TP53BP1: variants seen among roughly 807,000 people sequenced by gnomAD.
TP53BP1 encodes the protein tumor protein p53 binding protein 1.
A neutral mutation model predicts 200.8 loss-of-function variants in TP53BP1; 61 were observed. The ratio of observed to expected loss-of-function variants is 0.30; its 90% CI spans 0.25 to 0.38. TP53BP1 has a LOEUF of 0.38. Ranked by LOEUF, TP53BP1 falls within the 10% of genes least tolerant of loss-of-function variation. The pLI is 1.00. For synonymous variants in TP53BP1, 822 were observed against 844.3 expected (o/e 0.97, Z 0.46); for missense variants, 2,144 against 2,371.9 (o/e 0.90, Z 2.00).
chr15:43,447,060 T>A (rs1328963333), intron 13 of TP53BP1: 2 of 469,114 alleles, frequency 4.3e-6, no homozygotes, highest in African/African-American at 4.0e-5. Context: ...TCCTGTTCCA[T>A]CCTTATAAAA....
rs2142894573 is a variant in TP53BP1 at position 43,403,493 on chromosome 15, A to C, written c.*3890T>G. On this transcript the variant is annotated 3_prime_UTR_variant, in exon 28 of 28. Coordinates refer to ENST00000382044, the MANE Select transcript of TP53BP1 (RefSeq NM_001141980.3). ...GTAATACTCGCTTAGCCAGGAAAGGATGCATTTGTTTTACGCATTTTGTGC... is the reference window on the plus strand; with the variant it reads ...GTAATACTCGCTTAGCCAGGAAAGGCTGCATTTGTTTTACGCATTTTGTGC... The C allele has an allele frequency of 1.8e-6, 1 of 550,948 alleles. No homozygotes were observed. The highest frequency in any genetic ancestry group is 3.0e-5 in the East Asian group (1 of 32,796). 34.1% of individuals were successfully genotyped at this position (550,948 alleles called of 1,614,324 possible).
intron 11 of TP53BP1, among the ~76,000 whole-genome samples, chr15:43,458,141 A>G (rs1468692181): frequency 6.6e-6 from 1 of 152,124 alleles, no homozygotes; most frequent in Non-Finnish European, 1.5e-5. Context: ...AACAAAAGCA[A>G]CTAACATAGG....
chr15:43,408,818 T>A (rs2045015053), intron 26 of TP53BP1, 79 bp downstream of exon 26: 3 of 1,416,056 alleles, frequency 2.1e-6, no homozygotes, highest in Non-Finnish European at 3.0e-6. Flanking sequence ...AAAGCTTTAC[T>A]CTCTCACCTA....
chr15:43,457,536 G>C (rs12437725), intron 11 of TP53BP1, among the ~76,000 whole-genome samples: 17,723 of 151,772 alleles, frequency 0.12, 1,150 homozygotes, highest in East Asian at 0.19. Flanking sequence ...GCCAGGCGTG[G>C]TGGTGGGCAC....
chr15:43,477,908 A>T, intron 7 of TP53BP1, 149 bp from the exon 8 acceptor site: 1 of 598,796 alleles, frequency 1.7e-6, no homozygotes, highest in Non-Finnish European at 2.7e-6. Context: ...AAGGAAATAA[A>T]CTACTCTTTA....
rs183618485 is a variant in TP53BP1, at chr15:43,433,910, A to G, written c.3192-1233T>C. 2.6e-5 allele frequency among the ~76,000 whole-genome samples: 4 copies of G among 152,304 alleles called. No homozygotes were observed. In the East Asian group the frequency reaches 7.7e-4, roughly 29 times the overall value. On this transcript the variant is annotated intron_variant, in intron 16 of 27. Coordinates refer to ENST00000382044, the MANE Select transcript of TP53BP1 (RefSeq NM_001141980.3). ...TTATCCTTAGGATCTCAGCTTTCCT[A>G]CGTAGACAGGGTAAAGGAAGCAGGA...
At chr15:43,472,023 C>A (rs569324701) in intron 10 of TP53BP1, among the ~76,000 whole-genome samples, 1 of 152,268 alleles carries the variant, frequency 6.6e-6, no homozygotes, top group South Asian at 2.1e-4. Context: ...TGATAAATTA[C>A]ATTTGAAAAA....
At chr15:43,491,623 C>T (rs1396018864) in intron 4 of TP53BP1, 46 bp downstream of exon 4, 1 of 1,403,746 alleles carries the variant, frequency 7.1e-7, no homozygotes, top group African/African-American at 1.4e-5. Context: ...GATAAAAGAA[C>T]AAATCTGATA....
At chr15:43,482,193 C>T (rs2078981310) in intron 4 of TP53BP1, among the ~76,000 whole-genome samples, 3 of 152,068 alleles carry the variant, frequency 2.0e-5, no homozygotes, top group African/African-American at 7.2e-5. Flanking sequence ...CGCGCCACTG[C>T]ACTCCAGCCT....
intron 20 of TP53BP1, 81 bp from the exon 21 acceptor site, chr15:43,420,816 G>C: frequency 7.3e-7 from 1 of 1,367,208 alleles, no homozygotes; most frequent in South Asian, 1.4e-5. Context: ...CCACTCCTTT[G>C]TCCATGGGTC....
intron 8 of TP53BP1, 111 bp downstream of exon 8, chr15:43,477,482 A>G: frequency 4.6e-6 from 5 of 1,085,792 alleles, no homozygotes; most frequent in Non-Finnish European, 3.8e-6. Context: ...CCATATCACA[A>G]ACAAGTCTGC....
chr15:43,455,512 G>T (rs1264700486), intron 12 of TP53BP1, among the ~76,000 whole-genome samples: 1 of 152,098 alleles, frequency 6.6e-6, no homozygotes, highest in Non-Finnish European at 1.5e-5. Flanking sequence ...CTTGAGTCAG[G>T]AGTTCGAGAC....
intron 1 of TP53BP1, among the ~76,000 whole-genome samples, chr15:43,503,957 A>G (rs1185938706): frequency 6.6e-6 from 1 of 152,164 alleles, no homozygotes; most frequent in African/African-American, 2.4e-5. Flanking sequence ...TTTACACTGT[A>G]TTAGTTATTA....
intron 18 of TP53BP1, among the ~76,000 whole-genome samples, chr15:43,424,065 C>A (rs565005134): frequency 6.6e-6 from 1 of 152,182 alleles, no homozygotes; most frequent in Non-Finnish European, 1.5e-5. Context: ...TTCAACAGAT[C>A]CAAAACAATC....
chr15:43,440,544 T>G (rs1398727442), intron 15 of TP53BP1, among the ~76,000 whole-genome samples: 1 of 150,120 alleles, frequency 6.7e-6, no homozygotes, highest in Non-Finnish European at 1.5e-5. Context: ...AAACACTCTG[T>G]CTTGTACCTA....
In TP53BP1 at chr15:43,438,636, T is replaced by C. The variant is rs4584791; in HGVS notation, c.3099-220A>G. ...GAAATAAGGTGGACAGAGGACTGTATTAAATACCATAAAGATGCGATCAGC... is the reference window on the plus strand; with the variant it reads ...GAAATAAGGTGGACAGAGGACTGTACTAAATACCATAAAGATGCGATCAGC... On this transcript the variant is annotated intron_variant, in intron 15 of 27. Coordinates refer to ENST00000382044, the MANE Select transcript of TP53BP1 (RefSeq NM_001141980.3). Among the ~76,000 whole-genome samples, 21 of 145,304 alleles carry C rather than the reference T, an allele frequency of 1.4e-4. No homozygotes were observed. The East Asian group carries it at 4.2e-3, about 29-fold the overall frequency.
chr15:43,466,678 G>A (rs1036445277), intron 11 of TP53BP1, among the ~76,000 whole-genome samples: 3 of 152,126 alleles, frequency 2.0e-5, no homozygotes, highest in African/African-American at 4.8e-5. Flanking sequence ...GCAACATAGT[G>A]AGGTCCCATC....
At chr15:43,414,980 C>T (rs1307149162) in intron 23 of TP53BP1, among the ~76,000 whole-genome samples, 8 of 151,864 alleles carry the variant, frequency 5.3e-5, no homozygotes, top group African/African-American at 1.9e-4. Context: ...AGTGCTGGGA[C>T]TACAGGTGTG....
intron 11 of TP53BP1, among the ~76,000 whole-genome samples, chr15:43,463,783 A>G (rs2046495943): frequency 6.6e-6 from 1 of 152,170 alleles, no homozygotes; most frequent in African/African-American, 2.4e-5. Flanking sequence ...TCTGCCCTGG[A>G]GAGAGTAAAA....
Sources: gnomAD v4.1 joint callset for allele counts (sites outside exome capture counted in the v4.1 genomes callset) on GRCh38, gnomAD v4.1.1 for gene constraint, MANE v1.5 for transcripts, NCBI Gene and HGNC (gene_info 2026-07-23, HGNC 2026-07-21) for gene names.